CHM: variants seen among roughly 807,000 people sequenced by gnomAD.
CHM encodes rab proteins geranylgeranyltransferase component A 1.
In CHM, 10 loss-of-function variants were observed where a neutral mutation model predicts 49.0. The ratio of observed to expected loss-of-function variants is 0.20; its 90% CI spans 0.13 to 0.35. The LOEUF is 0.35. Among genes scored for constraint, CHM ranks in the 10% least tolerant of loss-of-function variants. The pLI is 1.00. For missense variants in CHM, 455 were observed against 478.4 expected, an observed-to-expected ratio of 0.95 and a Z score of 0.46; for synonymous variants, 184 against 167.5, an observed-to-expected ratio of 1.10 and a Z score of -0.76.
chrX:86,005,835 C>T (rs1019376213), intron 2 of CHM, among the ~76,000 whole-genome samples: 1 of 111,713 alleles, frequency 9.0e-6, no homozygotes, highest in African/African-American at 3.3e-5. Flanking sequence ...ACCAGAGGTA[C>T]AAAGAGGAGC....
chrX:85,864,180 T>A lies in CHM; in HGVS notation c.*450A>T, dbSNP rs1923543813. 7.3e-6 allele frequency: 1 copy of A among 137,262 alleles called. No homozygotes were observed. Among genetic ancestry groups the A allele is most frequent in the Admixed American group, 7.7e-5 (1 of 12,939 alleles). The allele number at this position is 137,262 out of a possible 1,213,427, so 11.3% of individuals were successfully genotyped here. ...ATCATGATACTTTAGTTTTTCTATATGTTTTTATCATTATGTTATGATGCT... is the reference window on the plus strand; with the variant it reads ...ATCATGATACTTTAGTTTTTCTATAAGTTTTTATCATTATGTTATGATGCT... On this transcript the variant is annotated 3_prime_UTR_variant, in exon 15 of 15. Transcript: ENST00000357749.
chrX:85,984,712 G>A (rs894736577), intron 2 of CHM, among the ~76,000 whole-genome samples: 1 of 111,608 alleles, frequency 9.0e-6, no homozygotes, highest in African/African-American at 3.3e-5. Context: ...CCATCAACAG[G>A]AGAATGAATA....
At chrX:86,047,243 C>G in intron 1 of CHM, 1 of 438,904 alleles carries the variant, frequency 2.3e-6, no homozygotes, top group Admixed American at 3.6e-5. Context: ...CCGCAGCAAC[C>G]AACCTCAGCA....
At chrX:85,923,251 G>T (rs928757946) in intron 8 of CHM, among the ~76,000 whole-genome samples, 6 of 112,350 alleles carry the variant, frequency 5.3e-5, no homozygotes, top group African/African-American at 1.9e-4. Flanking sequence ...GATTAAATGG[G>T]TTAATACATG....
At chrX:85,892,867 A>C (rs1163951330) in intron 12 of CHM, among the ~76,000 whole-genome samples, 1 of 111,686 alleles carries the variant, frequency 9.0e-6, no homozygotes, top group African/African-American at 3.3e-5. Context: ...TTTGCTTCTC[A>C]GAACTCACAT....
chrX:85,900,108 T>C lies in CHM; in HGVS notation c.1413+538A>G, dbSNP rs952352044. Among the ~76,000 whole-genome samples the C allele has an allele frequency of 4.5e-5, 5 of 111,942 alleles. No homozygotes were observed. In the South Asian group the frequency reaches 1.5e-3, roughly 34 times the overall value. On this transcript the variant is annotated intron_variant, in intron 11 of 14. Coordinates refer to ENST00000357749, the MANE Select transcript of CHM (RefSeq NM_000390.4). ...AGCGAAGATTTGGAAACAACCTAAG[T>C]GTTCATCAATGGAAGAATGGGTTTT...
At chrX:86,015,032 TTC>T (rs1933231466) in intron 2 of CHM, among the ~76,000 whole-genome samples, 2 of 108,710 alleles carry the variant, frequency 1.8e-5, no homozygotes, top group African/African-American at 6.7e-5. Flanking sequence ...AGCTTAGAAG[TTC>T]AGTTTCAATA....
intron 2 of CHM, among the ~76,000 whole-genome samples, chrX:85,995,595 C>T (rs1932404026): frequency 1.8e-5 from 2 of 112,138 alleles, no homozygotes; most frequent in Admixed American, 1.9e-4. Context: ...TCCCTTAATA[C>T]GCATGTGACA....
At chrX:85,898,783 A>G (rs751119492) in intron 11 of CHM, among the ~76,000 whole-genome samples, 1 of 112,337 alleles carries the variant, frequency 8.9e-6, no homozygotes, top group African/African-American at 3.2e-5. Context: ...TCTGAACTAC[A>G]GTTGCTACTT....
Position 85,978,769 on chromosome X carries a change from G to A in CHM, c.312C>T (p.Ala104=). The A allele has an allele frequency of 8.3e-7, 1 of 1,201,644 alleles. No homozygotes were observed. Among genetic ancestry groups the A allele is most frequent in the Non-Finnish European group, 1.1e-6 (1 of 888,566 alleles). The change falls in exon 4 of 15, where the codon GCC becomes GCT. Residue 104 remains alanine (A), a splice_region_variant and synonymous_variant. Transcript: ENST00000357749. Reference sequence around the variant, plus strand: ...CCTGCAGTAAATACTTTTCATACCTGGCATAACAAAATACTTCCACATGTT... The same window carrying A: ...CCTGCAGTAAATACTTTTCATACCTAGCATAACAAAATACTTCCACATGTT... The part of the protein sequence containing the change: ...TIQHVEVFCY[A]SQDLHEDVEE...
intron 4 of CHM, among the ~76,000 whole-genome samples, chrX:85,973,028 C>T (rs191128837): frequency 4.5e-5 from 5 of 110,788 alleles, no homozygotes; most frequent in African/African-American, 1.3e-4. Context: ...AGGCCGGGCG[C>T]GGTGGCTCAT....
intron 8 of CHM, among the ~76,000 whole-genome samples, chrX:85,915,434 T>C (rs747457823): frequency 4.5e-5 from 5 of 111,669 alleles, no homozygotes; most frequent in African/African-American, 1.3e-4. Context: ...CAACACAGTA[T>C]TGGAAATTCT....
chrX:85,969,764 GAAT>G (rs1930786235), intron 4 of CHM: 1 of 111,462 alleles, frequency 9.0e-6, no homozygotes, highest in Non-Finnish European at 1.9e-5. Flanking sequence ...ATACACAATA[GAAT>G]ACTGCACAGC....
At chrX:85,883,012 G>A (rs189136549) in intron 12 of CHM, among the ~76,000 whole-genome samples, 59 of 111,249 alleles carry the variant, frequency 5.3e-4, no homozygotes, top group African/African-American at 1.8e-3. Flanking sequence ...TCAAATTTAC[G>A]AAGCTAATTC....
intron 8 of CHM, among the ~76,000 whole-genome samples, chrX:85,935,655 A>C (rs1308965709): frequency 5.3e-5 from 6 of 112,501 alleles, no homozygotes; most frequent in African/African-American, 1.9e-4. Flanking sequence ...TACAGTCAAA[A>C]TACAGTAATA....
Position 86,029,352 on chromosome X carries a change from T to C in CHM, c.50-1795A>G, listed in dbSNP as rs1217218008. 9.8e-5 allele frequency among the ~76,000 whole-genome samples: 11 copies of C among 112,081 alleles called. No individual in the cohort carries two copies. In the Admixed American group the frequency reaches 1.0e-3, roughly 11 times the overall value. On this transcript the variant is annotated intron_variant, in intron 1 of 14. Transcript: ENST00000357749. ...CCTTTTTAGTGAAATGCAGTCATTA[T>C]GGTACTTTAAAAGCTGATAAGCAGC...
intron 12 of CHM, among the ~76,000 whole-genome samples, chrX:85,888,194 C>T (rs1214232003): frequency 8.9e-6 from 1 of 111,862 alleles, no homozygotes; most frequent in Admixed American, 9.5e-5. Flanking sequence ...CCAGGGCCCC[C>T]TGCTGTGTGA....
At chrX:86,010,120 A>C (rs1468894967) in intron 2 of CHM, among the ~76,000 whole-genome samples, 1 of 97,559 alleles carries the variant, frequency 1.0e-5, no homozygotes, top group Non-Finnish European at 2.0e-5. Context: ...CTCACTCATA[A>C]GTGGGAGTTG....
chrX:86,015,062 T>G (rs1603279470), intron 2 of CHM, among the ~76,000 whole-genome samples: 1 of 51,452 alleles, frequency 1.9e-5, no homozygotes, highest in African/African-American at 6.2e-5. Flanking sequence ...GAAAAAGTTA[T>G]TTTTTTTTTT....
Sources: allele counts gnomAD v4.1 joint callset (sites outside exome capture counted in the v4.1 genomes callset), GRCh38; gene constraint gnomAD v4.1.1; transcripts MANE v1.5; gene names NCBI Gene and HGNC (gene_info 2026-07-23, HGNC 2026-07-21).